The following ENTPD1 variants were observed in gnomAD, a reference collection of about 807,000 sequenced individuals.
The protein encoded by ENTPD1 is ATP diphosphohydrolase.
In ENTPD1, 33 loss-of-function variants were observed where a neutral mutation model predicts 57.0. That is an observed-to-expected ratio of 0.58 (90% CI 0.44 to 0.77). The LOEUF (loss-of-function observed/expected upper bound fraction) is 0.77, where lower values mean the gene tolerates loss of function less well. Among genes scored for constraint, ENTPD1 ranks in the 30% least tolerant of loss-of-function variants. ENTPD1 has a pLI of 0.00. For missense variants in ENTPD1, 501 were observed against 603.4 expected (o/e 0.83, Z 1.78); for synonymous variants, 202 against 218.8 (o/e 0.92, Z 0.68).
intron 8 of ENTPD1, among the ~76,000 whole-genome samples, chr10:95,863,437 G>A (rs923265080): frequency 6.6e-6 from 1 of 152,218 alleles, no homozygotes; most frequent in African/African-American, 2.4e-5. Flanking sequence ...CTGAAAGGAA[G>A]GGGTAGGAAC....
rs2098475199 is a variant in ENTPD1 at position 95,866,948 on chromosome 10, A to C, written c.*565A>C. On this transcript the variant is annotated 3_prime_UTR_variant, in exon 10 of 10. Coordinates refer to ENST00000371205, the MANE Select transcript of ENTPD1 (RefSeq NM_001776.6). The stretch of plus-strand genomic sequence containing the variant: ...GCTAAAGCCAAAGAGTTTTATAAGG[A>C]AATATATGTGCTCATGCAGTCAATA... 1 of 1,011,988 alleles carries C rather than the reference A, an allele frequency of 9.9e-7. No individual in the cohort carries two copies. The highest frequency in any genetic ancestry group is 1.2e-6 in the Non-Finnish European group (1 of 845,014). The allele number at this position is 1,011,988 out of a possible 1,614,324, so 62.7% of individuals were successfully genotyped here.
chr10:95,843,602 T>A (rs2098426915), intron 4 of ENTPD1, among the ~76,000 whole-genome samples: 1 of 152,144 alleles, frequency 6.6e-6, no homozygotes, highest in East Asian at 1.9e-4. Context: ...AAAGGAAGGG[T>A]CCAGGTCACA....
At chr10:95,700,689 A>G in the ENTPD1 span, among the ~76,000 whole-genome samples, 1 of 152,182 alleles carries the variant, frequency 6.6e-6, no homozygotes, top group Non-Finnish European at 1.5e-5. Flanking sequence ...CTCTGTCTCT[A>G]TTAAAAAGAA....
chr10:95,866,323 G>C lies in ENTPD1; in HGVS notation c.1473G>C (p.Val491=). The C allele has an allele frequency of 1.2e-6, 2 of 1,614,132 alleles. No homozygotes were observed. Among genetic ancestry groups the C allele is most frequent in the South Asian group, 2.2e-5 (2 of 91,078 alleles). The change falls in exon 10 of 10, where the codon GTG becomes GTC. Residue 491 remains valine, a synonymous_variant. Transcript: ENST00000371205. ...MVLFSLVLFT[V]AIIGLLIFHK... ...TATTCTCCCTGGTCCTTTTCACAGTGGCCATCATAGGCTTGCTTATCTTTC... is the reference window on the plus strand; with the variant it reads ...TATTCTCCCTGGTCCTTTTCACAGTCGCCATCATAGGCTTGCTTATCTTTC...
At chr10:95,756,582 C>A in intron 1 of ENTPD1, 1 of 342,288 alleles carries the variant, frequency 2.9e-6, no homozygotes, top group South Asian at 3.5e-5. Context: ...GCTGCCTCAT[C>A]TGCAGTCCGG....
intron 7 of ENTPD1, among the ~76,000 whole-genome samples, chr10:95,856,671 T>TATATATATATATATATAC (rs571622251): frequency 0.019 from 2,838 of 146,026 alleles, 35 homozygotes; most frequent in Non-Finnish European, 0.029. Flanking sequence ...TATATATATA[T>TATATATATATATATATAC]ACACACACAT....
At chr10:95,785,949 C>A (rs887453937) in intron 1 of ENTPD1, among the ~76,000 whole-genome samples, 1 of 152,178 alleles carries the variant, frequency 6.6e-6, no homozygotes, top group South Asian at 2.1e-4. Context: ...GTGAGGATGG[C>A]AAGCGTTTTT....
At chr10:95,806,985 C>T (rs892848135) in intron 1 of ENTPD1, among the ~76,000 whole-genome samples, 8 of 152,168 alleles carry the variant, frequency 5.3e-5, no homozygotes, top group African/African-American at 1.9e-4. Context: ...CTTGAGGGGG[C>T]AATCTGTCCG....
At chr10:95,741,305 A>C (rs567397072) in intron 1 of ENTPD1, among the ~76,000 whole-genome samples, 31 of 152,212 alleles carry the variant, frequency 2.0e-4, no homozygotes, top group Non-Finnish European at 4.4e-4. Context: ...TGGGACAGAC[A>C]GTGAGTGGAA....
At chr10:95,827,086 G>A (rs1190233250) in intron 2 of ENTPD1, among the ~76,000 whole-genome samples, 1 of 152,138 alleles carries the variant, frequency 6.6e-6, no homozygotes, top group Non-Finnish European at 1.5e-5. Context: ...GAAGAAAAGA[G>A]GTGAAATTAA....
chr10:95,800,054 A>C (rs1022870154), intron 1 of ENTPD1, among the ~76,000 whole-genome samples: 3 of 152,158 alleles, frequency 2.0e-5, no homozygotes, highest in Non-Finnish European at 2.9e-5. Flanking sequence ...TAAGTTGCAA[A>C]AATTTTCTCC....
At chr10:95,807,066 G>A (rs544370345) in intron 1 of ENTPD1, among the ~76,000 whole-genome samples, 55 of 152,342 alleles carry the variant, frequency 3.6e-4, no homozygotes, top group African/African-American at 1.3e-3. Flanking sequence ...GGATGTTTAA[G>A]TCTGCCGAAG....
At chr10:95,806,784 C>T (rs2098274444) in intron 1 of ENTPD1, among the ~76,000 whole-genome samples, 1 of 151,828 alleles carries the variant, frequency 6.6e-6, no homozygotes, top group Non-Finnish European at 1.5e-5. Flanking sequence ...TGGAGGTCCA[C>T]TCCAGACCCT....
At position 95,766,099 on chromosome 10, in the gene ENTPD1, A is replaced by G. The variant is rs1376496608; in HGVS notation, c.16+9844A>G. On this transcript the variant is annotated intron_variant, in intron 1 of 9. Coordinates refer to ENST00000371205, the MANE Select transcript of ENTPD1 (RefSeq NM_001776.6). ...AAGAGCATTTCACAAGTATTCACCAATTTAAAAAATTCTGCCACATTTATC... is the reference window on the plus strand; with the variant it reads ...AAGAGCATTTCACAAGTATTCACCAGTTTAAAAAATTCTGCCACATTTATC... Among the ~76,000 whole-genome samples, 10 of 152,306 alleles carry G rather than the reference A, an allele frequency of 6.6e-5. No homozygotes were observed. The Middle Eastern group carries it at 0.014, about 207-fold the overall frequency.
intron 1 of ENTPD1, among the ~76,000 whole-genome samples, chr10:95,722,379 G>T (rs902986696): frequency 4.0e-5 from 6 of 151,634 alleles, no homozygotes; most frequent in Non-Finnish European, 7.4e-5. Flanking sequence ...GTGCCATGCT[G>T]GTGTGCTGCA....
the ENTPD1 span, among the ~76,000 whole-genome samples, chr10:95,705,648 C>T: frequency 6.6e-6 from 1 of 152,212 alleles, no homozygotes; most frequent in Non-Finnish European, 1.5e-5. Context: ...CCTGCCACCA[C>T]ACCTGGCTAA....
intron 1 of ENTPD1, among the ~76,000 whole-genome samples, chr10:95,733,740 G>A (rs537291445): frequency 2.8e-4 from 42 of 152,286 alleles, no homozygotes; most frequent in African/African-American, 9.6e-4. Flanking sequence ...GGTGAGGAGC[G>A]AAGAGAAATT....
At chr10:95,832,464 TC>T (rs2098399380) in intron 2 of ENTPD1, among the ~76,000 whole-genome samples, 1 of 152,204 alleles carries the variant, frequency 6.6e-6, no homozygotes, top group South Asian at 2.1e-4. Flanking sequence ...GTACCTTTGT[TC>T]TGGTGGACCT....
At chr10:95,720,138 T>C (rs2097975898) in intron 1 of ENTPD1, among the ~76,000 whole-genome samples, 1 of 152,158 alleles carries the variant, frequency 6.6e-6, no homozygotes, top group African/African-American at 2.4e-5. Flanking sequence ...TAACAATCTT[T>C]TGGAGTCCTT....
Sources: gnomAD v4.1 joint callset for allele counts (sites outside exome capture counted in the v4.1 genomes callset) on GRCh38, gnomAD v4.1.1 for gene constraint, MANE v1.5 for transcripts, NCBI Gene and HGNC (gene_info 2026-07-23, HGNC 2026-07-21) for gene names.